The following PIAS2 variants were observed in gnomAD, a reference collection of about 807,000 sequenced individuals.
PIAS2 encodes the protein E3 SUMO-protein ligase PIAS2.
Under a neutral mutation model 69.7 loss-of-function variants are expected in PIAS2, and 19 were observed. The observed-to-expected ratio is 0.27, with a 90% CI of 0.19 to 0.40. PIAS2 has a LOEUF of 0.40. PIAS2 is among the 10% of genes least tolerant of loss of function. The pLI, the probability that PIAS2 is intolerant of heterozygous loss-of-function variation, is 1.00. For synonymous variants in PIAS2, 261 were observed against 263.2 expected, an observed-to-expected ratio of 0.99 and a Z score of 0.08; for missense variants, 624 against 757.0, an observed-to-expected ratio of 0.82 and a Z score of 2.06.
chr18:46,870,112 C>T (rs1488660611), intron 2 of PIAS2, among the ~76,000 whole-genome samples: 1 of 152,064 alleles, frequency 6.6e-6, no homozygotes, highest in African/African-American at 2.4e-5. Flanking sequence ...CCGTGCCCTC[C>T]CTAACCACAC....
At chr18:46,876,743 C>CTGGA (rs1229632518) in intron 2 of PIAS2, among the ~76,000 whole-genome samples, 1 of 149,736 alleles carries the variant, frequency 6.7e-6, no homozygotes. Context: ...GTCACCCAGG[C>CTGGA]TGGAGTGCAG....
Position 46,829,876 on chromosome 18 carries a change from C to T in PIAS2, c.1203-9G>A. ...GAATTTCCATAAAAAGCCTAAAAAA[C>T]AATTAAGAAGTACATACATGTGATC... On this transcript the variant is annotated splice_polypyrimidine_tract_variant and intron_variant, in intron 9 of 13. Coordinates refer to ENST00000585916, the MANE Select transcript of PIAS2 (RefSeq NM_004671.5). 1.9e-6 allele frequency: 3 copies of T among 1,609,468 alleles called. No individual in the cohort carries two copies. The highest frequency in any genetic ancestry group is 2.5e-6 in the Non-Finnish European group (3 of 1,178,004).
chr18:46,828,194 A>G, intron 10 of PIAS2, 64 bp from the exon 11 acceptor site: 1 of 1,391,574 alleles, frequency 7.2e-7, no homozygotes, highest in Admixed American at 2.3e-5. Flanking sequence ...CTCTAGTGGT[A>G]GAGTCTAGTA....
chr18:46,831,635 AG>A (rs1439423467), intron 9 of PIAS2, among the ~76,000 whole-genome samples: 1 of 152,220 alleles, frequency 6.6e-6, no homozygotes, highest in African/African-American at 2.4e-5. Context: ...ATAAATCAAT[AG>A]AACAGTTCAG....
intron 1 of PIAS2, chr18:46,901,199 CCT>C: frequency 8.5e-6 from 3 of 351,978 alleles, no homozygotes; most frequent in South Asian, 4.4e-5. Context: ...GGGCGGATCA[CCT>C]GCGGTCAGGA....
At chr18:46,884,697 C>T (rs2052856267) in intron 2 of PIAS2, among the ~76,000 whole-genome samples, 1 of 152,108 alleles carries the variant, frequency 6.6e-6, no homozygotes, top group Non-Finnish European at 1.5e-5. Context: ...AGGCAGATCA[C>T]TTGAGGTCAG....
At chr18:46,851,251 A>G (rs910977608) in intron 5 of PIAS2, among the ~76,000 whole-genome samples, 46 of 152,308 alleles carry the variant, frequency 3.0e-4, no homozygotes, top group Middle Eastern at 3.4e-3. Context: ...CACCAAAGGA[A>G]CTACTTGGAG....
chr18:46,841,430 C>G (rs1380850119), intron 8 of PIAS2, among the ~76,000 whole-genome samples: 1 of 152,148 alleles, frequency 6.6e-6, no homozygotes, highest in Non-Finnish European at 1.5e-5. Context: ...CACCAGATCC[C>G]ATGTTATTTC....
chr18:46,834,555 A>T (rs1467903852), intron 9 of PIAS2, among the ~76,000 whole-genome samples: 1 of 152,218 alleles, frequency 6.6e-6, no homozygotes, highest in Non-Finnish European at 1.5e-5. Context: ...AAAAATTAAA[A>T]ATCAAAATAG....
chr18:46,832,892 C>CAAAAAAAAAAAAAAAAAAAA (rs34958166), intron 9 of PIAS2, among the ~76,000 whole-genome samples: 10 of 105,974 alleles, frequency 9.4e-5, no homozygotes, highest in South Asian at 3.2e-4. Context: ...CCTCTGTCTC[C>CAAAAAAAAAAAAAAAAAAAA]AAAAAAAAAA....
In PIAS2 at chr18:46,917,434, C is replaced by A; in HGVS notation, c.-89G>T. 1 of 1,353,642 alleles carries A rather than the reference C, an allele frequency of 7.4e-7. No homozygotes were observed. The highest frequency in any genetic ancestry group is 9.5e-7 in the Non-Finnish European group (1 of 1,051,572). The allele number at this position is 1,353,642 out of a possible 1,614,324, so 83.9% of individuals were successfully genotyped here. On this transcript the variant is annotated 5_prime_UTR_variant, in exon 1 of 14. Coordinates refer to ENST00000585916, the MANE Select transcript of PIAS2 (RefSeq NM_004671.5). Reference sequence around the variant, plus strand: ...GCTGCCGCCACCACGGCCGCCGCCGCCTCCAGCACCATCCTGCACTGGGCG... The same window carrying A: ...GCTGCCGCCACCACGGCCGCCGCCGACTCCAGCACCATCCTGCACTGGGCG...
chr18:46,905,189 A>G (rs1222422056), intron 1 of PIAS2, among the ~76,000 whole-genome samples: 1 of 152,240 alleles, frequency 6.6e-6, no homozygotes, highest in Non-Finnish European at 1.5e-5. Context: ...ACACTCAAAC[A>G]GGCTGCCTAA....
intron 1 of PIAS2, among the ~76,000 whole-genome samples, chr18:46,911,189 A>C (rs1238720409): frequency 6.6e-6 from 1 of 151,708 alleles, no homozygotes; most frequent in African/African-American, 2.4e-5. Flanking sequence ...AGCTTTCCTC[A>C]TTCAACCAGG....
rs115805160 is a variant in PIAS2, at chr18:46,916,958, G to A, written c.24+364C>T. 2.2e-3 allele frequency: 2,147 copies of A among 985,638 alleles called. 5 individuals carry two copies. The highest frequency in any genetic ancestry group is 2.3e-3 in the Non-Finnish European group (1,950 of 830,128). 61.1% of individuals were successfully genotyped at this position (985,638 alleles called of 1,614,324 possible). ...GAATAGCCACAGACACGTACACCCC[G>A]GTGAAGGTGCAAGATCAAACGTTGC... is the stretch of plus-strand genomic sequence containing the variant. On this transcript the variant is annotated intron_variant, in intron 1 of 13. Transcript: ENST00000585916.
In PIAS2 at chr18:46,875,096, T is replaced by C. The variant is rs1446703291; in HGVS notation, c.500-10848A>G. ...CAACAGAAGGTCACCTTGTCATCTA[T>C]GTGACTCAAACTAACCATCCCTTAA... On this transcript the variant is annotated intron_variant, in intron 2 of 13. Transcript: ENST00000585916. 2.6e-5 allele frequency among the ~76,000 whole-genome samples: 4 copies of C among 152,338 alleles called. 1 individual carries two copies. Among genetic ancestry groups the C allele is most frequent in the African/African-American group, 9.6e-5 (4 of 41,572 alleles).
At chr18:46,894,025 C>T (rs2054469554) in intron 1 of PIAS2, among the ~76,000 whole-genome samples, 1 of 152,122 alleles carries the variant, frequency 6.6e-6, no homozygotes, top group Non-Finnish European at 1.5e-5. Context: ...ACTCGGGAGG[C>T]TGAGGCAGGA....
intron 1 of PIAS2, chr18:46,893,419 A>C (rs952475985): frequency 2.1e-6 from 2 of 952,356 alleles, no homozygotes; most frequent in Non-Finnish European, 2.5e-6. Flanking sequence ...ACAAAGCACA[A>C]AGTCATCCTA....
At chr18:46,883,605 G>A (rs2052652495) in intron 2 of PIAS2, among the ~76,000 whole-genome samples, 2 of 152,068 alleles carry the variant, frequency 1.3e-5, no homozygotes, top group Admixed American at 1.3e-4. Context: ...TTGGGAAGCT[G>A]AGGCAGGCAG....
intron 2 of PIAS2, among the ~76,000 whole-genome samples, chr18:46,881,597 C>T (rs1170431638): frequency 2.0e-5 from 3 of 152,200 alleles, no homozygotes; most frequent in South Asian, 2.1e-4. Flanking sequence ...TCCTTCAAAG[C>T]TCCCTCAAGT....
Sources: gnomAD v4.1 joint callset for allele counts (sites outside exome capture counted in the v4.1 genomes callset) on GRCh38, gnomAD v4.1.1 for gene constraint, MANE v1.5 for transcripts, NCBI Gene and HGNC (gene_info 2026-07-23, HGNC 2026-07-21) for gene names.